CORIN: variants seen among roughly 807,000 people sequenced by gnomAD.
CORIN encodes corin, serine peptidase.
Under a neutral mutation model 125.3 loss-of-function variants are expected in CORIN, and 117 were observed. The ratio of observed to expected loss-of-function variants is 0.93; its 90% CI spans 0.80 to 1.09. CORIN has a LOEUF of 1.09. Among genes scored for constraint, CORIN ranks in the 50% least tolerant of loss-of-function variants. CORIN has a pLI of 0.00. For missense variants in CORIN, 1,253 were observed against 1,306.7 expected (o/e 0.96, Z 0.63); for synonymous variants, 450 against 466.4 (o/e 0.96, Z 0.45).
intron 16 of CORIN, among the ~76,000 whole-genome samples, chr4:47,639,285 G>T (rs1310775228): frequency 6.6e-6 from 1 of 152,154 alleles, no homozygotes; most frequent in Non-Finnish European, 1.5e-5. Context: ...TAATAGAAAT[G>T]CCATGTTCTA....
intron 5 of CORIN, among the ~76,000 whole-genome samples, chr4:47,726,915 T>C (rs941167220): frequency 6.6e-6 from 1 of 152,026 alleles, no homozygotes; most frequent in African/African-American, 2.4e-5. Context: ...AAAAAATTAA[T>C]TGAAATTAAC....
At chr4:47,705,366 GTGAATTTTACC>G (rs63748985) in intron 5 of CORIN, among the ~76,000 whole-genome samples, 1 of 152,236 alleles carries the variant, frequency 6.6e-6, no homozygotes, top group Non-Finnish European at 1.5e-5. Flanking sequence ...TGTGAGGGCA[GTGAATTTTACC>G]TGTTTGGTTT....
chr4:47,783,047 A>G (rs1730626353), intron 3 of CORIN, among the ~76,000 whole-genome samples: 1 of 152,150 alleles, frequency 6.6e-6, no homozygotes, highest in Non-Finnish European at 1.5e-5. Flanking sequence ...AGCTTTCAGC[A>G]CATCAATTTA....
At position 47,603,665 on chromosome 4, in the gene CORIN, T is replaced by C; in HGVS notation, c.2544A>G (p.Arg848=). ...CCACTTTCCAAACTGCAGCATTCTC[T>C]CTCCTAAAATTATAATTCAAGAGCT... ...VLTVAHCFEG[R]ENAAVWKVVL... is the part of the protein sequence containing the mutation. Residue 848 remains arginine (R), a synonymous_variant, in exon 20 of 22, where the codon AGA becomes AGG. Coordinates refer to ENST00000273857, the MANE Select transcript of CORIN (RefSeq NM_006587.4). 6.2e-7 allele frequency: 1 copy of C among 1,611,036 alleles called. No individual in the cohort carries two copies. The highest frequency in any genetic ancestry group is 8.5e-7 in the Non-Finnish European group (1 of 1,177,346).
intron 5 of CORIN, among the ~76,000 whole-genome samples, chr4:47,718,824 G>A (rs1214236166): frequency 5.3e-5 from 8 of 152,130 alleles, no homozygotes; most frequent in Non-Finnish European, 1.2e-4. Flanking sequence ...TCCTTAGTCC[G>A]TGTTGTAGTT....
rs188416984 is a variant in CORIN at position 47,758,161 on chromosome 4, G to A, written c.617+5218C>T. On this transcript the variant is annotated intron_variant, in intron 4 of 21. Transcript: ENST00000273857. ...AATCTCCTGACCTCGTGATCTGCTC[G>A]CCTGGCCTCCCAAAGTGCTGGGATT... is the stretch of plus-strand genomic sequence containing the variant. Among the ~76,000 whole-genome samples the A allele has an allele frequency of 7.6e-3, 1,153 of 151,808 alleles. 9 individuals are homozygous for A. Among genetic ancestry groups the A allele is most frequent in the Non-Finnish European group, 0.013 (903 of 67,926 alleles).
At chr4:47,698,361 G>A (rs539191402) in intron 5 of CORIN, among the ~76,000 whole-genome samples, 1 of 151,764 alleles carries the variant, frequency 6.6e-6, no homozygotes, top group East Asian at 1.9e-4. Flanking sequence ...AAGAGGTGAG[G>A]GAGTCTCAGG....
chr4:47,680,434 C>T, intron 7 of CORIN, 183 bp from the exon 8 acceptor site: 1 of 547,106 alleles, frequency 1.8e-6, no homozygotes, highest in South Asian at 2.1e-5. Flanking sequence ...GCCCCACTGA[C>T]CACCATCACT....
chr4:47,708,965 G>A (rs36090894), intron 5 of CORIN, among the ~76,000 whole-genome samples: 14,976 of 152,176 alleles, frequency 0.098, 873 homozygotes, highest in East Asian at 0.27. Flanking sequence ...AGTGTTCCCT[G>A]TGCTTTTGTA....
At chr4:47,648,923 T>C (rs1723612259) in intron 13 of CORIN, among the ~76,000 whole-genome samples, 1 of 152,178 alleles carries the variant, frequency 6.6e-6, no homozygotes, top group Non-Finnish European at 1.5e-5. Context: ...AAGAGCCTTC[T>C]ACAGCATGCA....
At chr4:47,662,555 C>T (rs1481080560) in intron 11 of CORIN, among the ~76,000 whole-genome samples, 1 of 151,890 alleles carries the variant, frequency 6.6e-6, no homozygotes, top group Non-Finnish European at 1.5e-5. Context: ...TTCTTTACTT[C>T]TTTTTTTACT....
At chr4:47,744,977 T>C (rs1210556075) in intron 4 of CORIN, among the ~76,000 whole-genome samples, 2 of 152,222 alleles carry the variant, frequency 1.3e-5, no homozygotes, top group East Asian at 3.8e-4. Context: ...CTTGTATTTT[T>C]ATCTTCCCTT....
rs761501841 is a variant in CORIN, at chr4:47,595,834, A to T, written c.3016T>A (p.Trp1006Arg). 2 of 1,613,870 alleles carry T rather than the reference A, an allele frequency of 1.2e-6. No homozygotes were observed. The highest frequency in any genetic ancestry group is 3.3e-5 in the Admixed American group (2 of 59,960). Residue 1006 changes from tryptophan (W) to arginine (R), a missense_variant, in exon 22 of 22, where the codon TGG (tryptophan) becomes AGG (arginine). Physicochemically the swap from Trp to Arg is moderately radical, Grantham distance 101 (BLOSUM62 -3). Transcript: ENST00000273857. ...ACTTTGGAAAAGCAGACGGAGCCCC[A>T]TGAAGTTAATCCAAATAATGTCCAC... Reference protein sequence around the residue: ...GRWTLFGLTSWGSVCFSKVLG... With the variant: ...GRWTLFGLTSRGSVCFSKVLG...
At chr4:47,705,373 T>C (rs1726501655) in intron 5 of CORIN, among the ~76,000 whole-genome samples, 1 of 152,216 alleles carries the variant, frequency 6.6e-6, no homozygotes, top group Non-Finnish European at 1.5e-5. Context: ...GCAGTGAATT[T>C]TACCTGTTTG....
intron 1 of CORIN, among the ~76,000 whole-genome samples, chr4:47,833,750 C>T (rs1733202284): frequency 6.6e-6 from 1 of 151,888 alleles, no homozygotes. Context: ...GGAAAAAGAC[C>T]TAAATAGACA....
intron 5 of CORIN, among the ~76,000 whole-genome samples, chr4:47,735,850 C>T (rs1053836748): frequency 2.0e-5 from 3 of 150,364 alleles, no homozygotes; most frequent in East Asian, 2.0e-4. Flanking sequence ...GACGTGAACC[C>T]GGGAGGCGAA....
intron 16 of CORIN, chr4:47,632,170 A>G (rs1722831841): frequency 6.6e-6 from 1 of 152,054 alleles, no homozygotes; most frequent in African/African-American, 2.4e-5. Context: ...CTTTTTTCTT[A>G]CCTCTAACAA....
At chr4:47,712,282 A>G (rs892042161) in intron 5 of CORIN, among the ~76,000 whole-genome samples, 2 of 152,116 alleles carry the variant, frequency 1.3e-5, no homozygotes, top group African/African-American at 4.8e-5. Context: ...TATTGACATC[A>G]TTTAATTATT....
chr4:47,672,087 C>A (rs2109691300), intron 10 of CORIN, among the ~76,000 whole-genome samples: 1 of 152,268 alleles, frequency 6.6e-6, no homozygotes, highest in East Asian at 1.9e-4. Context: ...TTAAAGAGAA[C>A]AACAGTGTAG....
Sources: allele counts gnomAD v4.1 joint callset (sites outside exome capture counted in the v4.1 genomes callset), GRCh38; gene constraint gnomAD v4.1.1; transcripts MANE v1.5; gene names NCBI Gene and HGNC (gene_info 2026-07-23, HGNC 2026-07-21).